SORBS2: variants seen among roughly 807,000 people sequenced by gnomAD.
SORBS2 encodes sorbin and SH3 domain containing 2, also known as sorbin and SH3 domain-containing protein 2.
A neutral mutation model predicts 97.7 loss-of-function variants in SORBS2; 46 were observed. That is an observed-to-expected ratio of 0.47 (90% CI 0.37 to 0.60). The LOEUF (loss-of-function observed/expected upper bound fraction) is 0.60, where lower values mean the gene tolerates loss of function less well. SORBS2 is among the 20% of genes least tolerant of loss of function. SORBS2 has a pLI of 0.00. For synonymous variants in SORBS2, 476 were observed against 473.4 expected (o/e 1.01, Z -0.07); for missense variants, 1,316 against 1,282.3 (o/e 1.03, Z -0.40).
chr4:185,590,088 AAGTC>A (rs1364334660), intron 13 of SORBS2, among the ~76,000 whole-genome samples: 1 of 152,234 alleles, frequency 6.6e-6, no homozygotes. Flanking sequence ...CAACATGTAT[AAGTC>A]AGACCCGCAT....
At chr4:185,638,229 G>T in intron 4 of SORBS2, 67 bp from the exon 15 acceptor site, 1 of 987,872 alleles carries the variant, frequency 1.0e-6, no homozygotes, top group Non-Finnish European at 1.6e-6. Flanking sequence ...AACGCTGTGT[G>T]GCATGAAAAA....
chr4:185,825,736 ATTACT>A (rs1030575408), intron 1 of SORBS2, among the ~76,000 whole-genome samples: 7 of 152,200 alleles, frequency 4.6e-5, no homozygotes, highest in Non-Finnish European at 1.0e-4. Context: ...TAGAGGCTAG[ATTACT>A]TTATTAGCAG....
At chr4:185,886,660 A>G (rs559932522) in intron 1 of SORBS2, among the ~76,000 whole-genome samples, 67 of 152,116 alleles carry the variant, frequency 4.4e-4, no homozygotes, top group African/African-American at 1.5e-3. Context: ...GTCAATCTGG[A>G]ACATGGGATT....
At chr4:185,838,705 T>A (rs13113185) in intron 1 of SORBS2, among the ~76,000 whole-genome samples, 1 of 151,626 alleles carries the variant, frequency 6.6e-6, no homozygotes, top group African/African-American at 2.4e-5. Context: ...ATGTCCGCTA[T>A]CTCCTCGCAT....
At chr4:185,924,256 G>A (rs1041902102) in intron 1 of SORBS2, among the ~76,000 whole-genome samples, 2 of 152,230 alleles carry the variant, frequency 1.3e-5, no homozygotes, top group African/African-American at 2.4e-5. Context: ...CTGCCAGGGA[G>A]TGAGTGGGTG....
exon 3 of SORBS2, chr4:185,649,510 G>A (rs754789298): frequency 6.2e-7 from 1 of 1,602,784 alleles, no homozygotes; most frequent in Non-Finnish European, 8.5e-7. Flanking sequence ...GGCGGGACTG[G>A]AGGTGGAACA....
intron 1 of SORBS2, among the ~76,000 whole-genome samples, chr4:185,856,211 G>T (rs1035452774): frequency 6.6e-6 from 1 of 152,132 alleles, no homozygotes; most frequent in Non-Finnish European, 1.5e-5. Context: ...TCATGCAGTA[G>T]AAAGATCATG....
intron 2 of SORBS2, among the ~76,000 whole-genome samples, chr4:185,728,515 C>T (rs759376988): frequency 2.6e-5 from 4 of 151,892 alleles, no homozygotes; most frequent in East Asian, 1.9e-4. Flanking sequence ...GCATGGTGGT[C>T]GGTAAGATGA....
At chr4:185,671,048 G>A (rs1295572370) in intron 4 of SORBS2, among the ~76,000 whole-genome samples, 3 of 152,196 alleles carry the variant, frequency 2.0e-5, no homozygotes, top group African/African-American at 4.8e-5. Context: ...CAGTTCCTAC[G>A]ACTGAGAAGG....
At chr4:185,945,011 T>C (rs2099273878) in intron 1 of SORBS2, among the ~76,000 whole-genome samples, 1 of 152,230 alleles carries the variant, frequency 6.6e-6, no homozygotes. Flanking sequence ...CATAAAATCA[T>C]GAGTGCTCTA....
chr4:185,920,998 C>T (rs559772368), intron 1 of SORBS2, among the ~76,000 whole-genome samples: 6 of 152,254 alleles, frequency 3.9e-5, no homozygotes, highest in Non-Finnish European at 8.8e-5. Flanking sequence ...CTTCCTCCTT[C>T]GATGGGAGCC....
intron 2 of SORBS2, among the ~76,000 whole-genome samples, chr4:185,686,463 G>A (rs1187895539): frequency 6.6e-6 from 1 of 152,056 alleles, no homozygotes; most frequent in Admixed American, 6.5e-5. Flanking sequence ...TAAATCAAAG[G>A]TTATAATTAA....
At chr4:185,698,790 G>A (rs950583266) in intron 2 of SORBS2, among the ~76,000 whole-genome samples, 22 of 152,070 alleles carry the variant, frequency 1.4e-4, no homozygotes, top group African/African-American at 5.1e-4. Context: ...AAGTCCAAAT[G>A]GAAAGTGTTA....
chr4:185,908,323 T>TATATA (rs1579431419), intron 1 of SORBS2, among the ~76,000 whole-genome samples: 9 of 103,676 alleles, frequency 8.7e-5, no homozygotes, highest in Non-Finnish European at 1.3e-4. Context: ...ATATATATAT[T>TATATA]TGTATACACA....
intron 1 of SORBS2, among the ~76,000 whole-genome samples, chr4:185,923,109 T>C (rs1226056661): frequency 1.3e-5 from 2 of 152,102 alleles, no homozygotes; most frequent in African/African-American, 2.4e-5. Flanking sequence ...ATAATCTGTA[T>C]GGGGGGAGCC....
chr4:185,767,932 C>A (rs2133382), intron 2 of SORBS2, among the ~76,000 whole-genome samples: 11,032 of 152,226 alleles, frequency 0.072, 669 homozygotes, highest in East Asian at 0.19. Flanking sequence ...TTCTTTGAGT[C>A]CTGAGTTTTC....
chr4:185,669,012 A>G (rs986810272), intron 4 of SORBS2, among the ~76,000 whole-genome samples: 12 of 152,356 alleles, frequency 7.9e-5, no homozygotes, highest in Middle Eastern at 3.4e-3. Flanking sequence ...AAGAGAGAGC[A>G]CCTGCTTACT....
chr4:185,631,866 C>T (rs1400657516), intron 4 of SORBS2, among the ~76,000 whole-genome samples: 1 of 152,108 alleles, frequency 6.6e-6, no homozygotes, highest in African/African-American at 2.4e-5. Flanking sequence ...GATAGTTTTG[C>T]CTTTGGTCAT....
chr4:185,706,910 G>C (rs999156739), intron 2 of SORBS2, among the ~76,000 whole-genome samples: 1 of 152,038 alleles, frequency 6.6e-6, no homozygotes, highest in Non-Finnish European at 1.5e-5. Context: ...TCCACTTCCT[G>C]TTCAGGGGCA....
Sources: gnomAD v4.1 joint callset for allele counts (sites outside exome capture counted in the v4.1 genomes callset) on GRCh38, gnomAD v4.1.1 for gene constraint, MANE v1.5 for transcripts, NCBI Gene and HGNC (gene_info 2026-07-23, HGNC 2026-07-21) for gene names.